Variants in SLF1 observed in about 807,000 individuals in gnomAD.
SLF1 encodes the protein SMC5-SMC6 complex localization factor protein 1.
In SLF1, 105 loss-of-function variants were observed where a neutral mutation model predicts 123.0. That is an observed-to-expected ratio of 0.85 (90% confidence interval 0.73 to 1.00). The LOEUF (loss-of-function observed/expected upper bound fraction) is 1.00, where lower values mean the gene tolerates loss of function less well. SLF1 is among the 50% of genes least tolerant of loss of function. The probability of loss-of-function intolerance (pLI) is 0.00; values close to 1 mark genes in which losing one functional copy is unlikely to be tolerated. For missense variants in SLF1, 1,239 were observed against 1,223.0 expected (o/e 1.01, Z -0.20); for synonymous variants, 434 against 406.6 (o/e 1.07, Z -0.81).
At chr5:94,633,035 G>A (rs899378262) in intron 4 of SLF1, among the ~76,000 whole-genome samples, 9 of 151,620 alleles carry the variant, frequency 5.9e-5, no homozygotes, top group African/African-American at 1.9e-4. Flanking sequence ...TTGTTGCCCC[G>A]GCTGGAGTGC....
At chr5:94,670,020 T>G in intron 12 of SLF1, 131 bp from the exon 13 acceptor site, 1 of 834,422 alleles carries the variant, frequency 1.2e-6, no homozygotes, top group Non-Finnish European at 1.7e-6. Flanking sequence ...TTCATAAAAT[T>G]TTGTTGAACT....
At chr5:94,663,014 C>G (rs924964371) in intron 10 of SLF1, among the ~76,000 whole-genome samples, 1 of 152,164 alleles carries the variant, frequency 6.6e-6, no homozygotes, top group African/African-American at 2.4e-5. Context: ...TCAGTTTTCA[C>G]TTTTTGCAAA....
intron 15 of SLF1, among the ~76,000 whole-genome samples, chr5:94,683,991 C>T (rs1752105946): frequency 6.6e-6 from 1 of 152,108 alleles, no homozygotes; most frequent in South Asian, 2.1e-4. Context: ...TTCTCTTGTT[C>T]ATCTATTATT....
chr5:94,660,746 C>T (rs530338808), intron 9 of SLF1, among the ~76,000 whole-genome samples: 2 of 152,260 alleles, frequency 1.3e-5, no homozygotes, highest in African/African-American at 2.4e-5. Context: ...AAGTGCATGA[C>T]GACGCTGGTG....
intron 12 of SLF1, among the ~76,000 whole-genome samples, chr5:94,668,282 A>G (rs1212699439): frequency 6.6e-6 from 1 of 152,140 alleles, no homozygotes; most frequent in African/African-American, 2.4e-5. Context: ...CTGGGACTAC[A>G]GGTGCCCACC....
intron 5 of SLF1, among the ~76,000 whole-genome samples, chr5:94,647,127 C>T (rs1347202190): frequency 2.0e-5 from 3 of 152,124 alleles, no homozygotes; most frequent in Non-Finnish European, 4.4e-5. Context: ...TTCCTAGATC[C>T]TTTTTGTCTC....
At chr5:94,677,539 A>T (rs563721339) in intron 14 of SLF1, among the ~76,000 whole-genome samples, 1 of 152,170 alleles carries the variant, frequency 6.6e-6, no homozygotes, top group African/African-American at 2.4e-5. Context: ...GATTAATTAG[A>T]AAGAAATTAG....
intron 5 of SLF1, among the ~76,000 whole-genome samples, chr5:94,645,971 A>G (rs940662846): frequency 3.3e-5 from 5 of 152,212 alleles, no homozygotes; most frequent in African/African-American, 1.2e-4. Context: ...GTTAATAGTA[A>G]CAAGCCAGGC....
At chr5:94,672,594 G>C (rs945157836) in intron 14 of SLF1, among the ~76,000 whole-genome samples, 4 of 151,492 alleles carry the variant, frequency 2.6e-5, no homozygotes, top group African/African-American at 9.7e-5. Flanking sequence ...TCTTTCTTCA[G>C]CTATGTCCAG....
chr5:94,633,701 G>T (rs569965497), intron 4 of SLF1, among the ~76,000 whole-genome samples: 1 of 152,172 alleles, frequency 6.6e-6, no homozygotes, highest in Admixed American at 6.5e-5. Flanking sequence ...TGAATTTAGC[G>T]AGATCAAAAG....
intron 11 of SLF1, among the ~76,000 whole-genome samples, chr5:94,665,362 G>A (rs967920969): frequency 6.6e-6 from 1 of 152,188 alleles, no homozygotes; most frequent in Non-Finnish European, 1.5e-5. Context: ...TGTACATAGA[G>A]TGTGCCTGTC....
At chr5:94,666,914 G>C (rs1238902064) in intron 12 of SLF1, among the ~76,000 whole-genome samples, 1 of 149,410 alleles carries the variant, frequency 6.7e-6, no homozygotes, top group Non-Finnish European at 1.5e-5. Flanking sequence ...CAAAGTCCTG[G>C]GATTATAGGA....
rs552749723 is a variant in SLF1, at chr5:94,655,362, G to A, written c.1155+610G>A. Among the ~76,000 whole-genome samples, 29 of 152,254 alleles carry A rather than the reference G, an allele frequency of 1.9e-4. No homozygotes were observed. The South Asian group carries it at 6.0e-3, about 32-fold the overall frequency. On this transcript the variant is annotated intron_variant, in intron 9 of 20. Coordinates refer to ENST00000265140, the MANE Select transcript of SLF1 (RefSeq NM_032290.4). ...GTGGTATACTTTGAAGTCAAGTAGT[G>A]TGTGCCTCCAGCTCAGCATTGCTTT...
At chr5:94,619,073 T>C (rs573514202) in intron 1 of SLF1, among the ~76,000 whole-genome samples, 48 of 152,178 alleles carry the variant, frequency 3.2e-4, no homozygotes, top group South Asian at 6.2e-4. Flanking sequence ...CTTCCCCCGC[T>C]TCTGCTTGCG....
intron 9 of SLF1, among the ~76,000 whole-genome samples, chr5:94,656,529 A>T (rs2152481848): frequency 6.6e-6 from 1 of 151,968 alleles, no homozygotes; most frequent in East Asian, 1.9e-4. Context: ...AGAATTCCCT[A>T]CCCTTCAGTT....
chr5:94,645,704 A>G (rs1746949632), intron 5 of SLF1, among the ~76,000 whole-genome samples: 1 of 152,226 alleles, frequency 6.6e-6, no homozygotes, highest in Admixed American at 6.5e-5. Context: ...TATATCAACC[A>G]GATAGCAGAA....
chr5:94,660,803 C>T (rs1453140022), intron 9 of SLF1, among the ~76,000 whole-genome samples: 2 of 152,188 alleles, frequency 1.3e-5, no homozygotes, highest in Admixed American at 6.5e-5. Flanking sequence ...AGGGTTTCTG[C>T]CAGTGACAGA....
intron 9 of SLF1, among the ~76,000 whole-genome samples, chr5:94,657,667 G>A (rs1748571111): frequency 6.6e-6 from 1 of 151,990 alleles, no homozygotes; most frequent in Non-Finnish European, 1.5e-5. Flanking sequence ...CTGTGTTGAA[G>A]TCTCTGTCTC....
chr5:94,683,531 T>A lies in SLF1; in HGVS notation c.1976-3042T>A, dbSNP rs1752062524. 2.0e-5 allele frequency among the ~76,000 whole-genome samples: 3 copies of A among 152,352 alleles called. No homozygotes were observed. The South Asian group carries it at 6.2e-4, about 32-fold the overall frequency. On this transcript the variant is annotated intron_variant, in intron 15 of 20. Transcript: ENST00000265140. ...TAGGTGTTGAGATTGGTGAACTTACTTTTATACTGTATGACCATGGAATGC... is the reference window on the plus strand; with the variant it reads ...TAGGTGTTGAGATTGGTGAACTTACATTTATACTGTATGACCATGGAATGC...
Sources: allele counts gnomAD v4.1 joint callset (sites outside exome capture counted in the v4.1 genomes callset), GRCh38; gene constraint gnomAD v4.1.1; transcripts MANE v1.5; gene names NCBI Gene and HGNC (gene_info 2026-07-23, HGNC 2026-07-21).